Variants in PTPRD observed in about 807,000 individuals in gnomAD.
PTPRD encodes receptor-type tyrosine-protein phosphatase delta.
PTPRD carries 34 observed loss-of-function variants against 214.5 expected under a neutral mutation model. That is an observed-to-expected ratio of 0.16 (90% CI 0.12 to 0.21). The LOEUF is 0.21. Ranked by LOEUF, PTPRD falls within the 10% of genes least tolerant of loss-of-function variation. PTPRD has a pLI of 1.00. For missense variants in PTPRD, 2,545 were observed against 2,398.7 expected (o/e 1.06, Z -1.27); for synonymous variants, 1,128 against 845.7 (o/e 1.33, Z -5.79).
chr9:9,167,894 C>T (rs1012898627), intron 10 of PTPRD, among the ~76,000 whole-genome samples: 3 of 152,214 alleles, frequency 2.0e-5, no homozygotes, highest in Non-Finnish European at 4.4e-5. Flanking sequence ...AGACATTGCA[C>T]TGACAATGCC....
chr9:8,588,508 T>C (rs918500983), intron 14 of PTPRD, among the ~76,000 whole-genome samples: 1 of 152,230 alleles, frequency 6.6e-6, no homozygotes, highest in Non-Finnish European at 1.5e-5. Flanking sequence ...TGTAGGCATC[T>C]AGCTCTTTGC....
At chr9:10,342,379 T>C (rs1351426772) in intron 2 of PTPRD, among the ~76,000 whole-genome samples, 1 of 152,124 alleles carries the variant, frequency 6.6e-6, no homozygotes, top group African/African-American at 2.4e-5. Context: ...TCAATACTAT[T>C]GCCTGCCTTT....
chr9:8,833,101 C>T (rs754940461), intron 11 of PTPRD, among the ~76,000 whole-genome samples: 2 of 152,072 alleles, frequency 1.3e-5, no homozygotes, highest in Non-Finnish European at 2.9e-5. Context: ...CCAGTTCATA[C>T]ACAGGCCACA....
intron 3 of PTPRD, among the ~76,000 whole-genome samples, chr9:10,276,716 A>T (rs2154386492): frequency 6.6e-6 from 1 of 152,352 alleles, no homozygotes; most frequent in East Asian, 1.9e-4. Flanking sequence ...TATGGCTGGC[A>T]ATAATAGGAC....
At chr9:8,887,874 G>A (rs1166165915) in intron 11 of PTPRD, among the ~76,000 whole-genome samples, 7 of 152,142 alleles carry the variant, frequency 4.6e-5, no homozygotes, top group Non-Finnish European at 1.0e-4. Flanking sequence ...ACACATCAGC[G>A]CTTTGATGTC....
At chr9:10,049,231 C>T (rs1331600718) in intron 3 of PTPRD, among the ~76,000 whole-genome samples, 3 of 151,952 alleles carry the variant, frequency 2.0e-5, no homozygotes, top group Admixed American at 1.3e-4. Flanking sequence ...AATCATCTAG[C>T]GCAGCCTCCT....
intron 11 of PTPRD, among the ~76,000 whole-genome samples, chr9:8,871,648 C>T (rs760897607): frequency 6.6e-6 from 1 of 152,108 alleles, no homozygotes; most frequent in Non-Finnish European, 1.5e-5. Flanking sequence ...CTAAAGCTGA[C>T]ATGATCATAG....
At chr9:10,492,769 T>C (rs1408565658) in intron 2 of PTPRD, among the ~76,000 whole-genome samples, 1 of 152,152 alleles carries the variant, frequency 6.6e-6, no homozygotes, top group African/African-American at 2.4e-5. Flanking sequence ...TTTGGTGTTA[T>C]TCATGAAGTC....
chr9:10,501,464 T>C (rs773503023), intron 2 of PTPRD, among the ~76,000 whole-genome samples: 5 of 152,042 alleles, frequency 3.3e-5, no homozygotes, highest in Non-Finnish European at 7.4e-5. Flanking sequence ...TGCAAATATT[T>C]TGTCCTATTC....
chr9:9,230,029 A>T (rs1039573180), intron 9 of PTPRD, among the ~76,000 whole-genome samples: 2 of 152,166 alleles, frequency 1.3e-5, no homozygotes, highest in African/African-American at 4.8e-5. Flanking sequence ...CAATAGATTC[A>T]TCTAGTTTTC....
chr9:10,500,582 T>A (rs1463685154), intron 2 of PTPRD, among the ~76,000 whole-genome samples: 1 of 151,912 alleles, frequency 6.6e-6, no homozygotes, highest in African/African-American at 2.4e-5. Flanking sequence ...TATCTTAAAA[T>A]GTACGATTAA....
intron 11 of PTPRD, among the ~76,000 whole-genome samples, chr9:8,838,461 A>G (rs1323866573): frequency 6.6e-6 from 1 of 152,160 alleles, no homozygotes; most frequent in Non-Finnish European, 1.5e-5. Flanking sequence ...TCAATTCTAA[A>G]ATCAACTAAC....
intron 11 of PTPRD, among the ~76,000 whole-genome samples, chr9:8,880,235 C>G (rs1270469945): frequency 6.6e-6 from 1 of 152,034 alleles, no homozygotes. Context: ...GGGAGGGTAG[C>G]CATGTTTATA....
At chr9:9,807,706 T>C (rs1339681829) in intron 5 of PTPRD, among the ~76,000 whole-genome samples, 1 of 152,216 alleles carries the variant, frequency 6.6e-6, no homozygotes, top group Non-Finnish European at 1.5e-5. Flanking sequence ...CTACTAGTGG[T>C]ATTTTCATTT....
intron 39 of PTPRD, among the ~76,000 whole-genome samples, chr9:8,366,802 C>T (rs545313563): frequency 5.3e-5 from 8 of 152,170 alleles, no homozygotes; most frequent in Middle Eastern, 3.2e-3. Flanking sequence ...AGTGTGAATA[C>T]GAAGCAATGT....
intron 7 of PTPRD, among the ~76,000 whole-genome samples, chr9:9,628,463 A>C (rs997519252): frequency 2.0e-5 from 3 of 152,002 alleles, no homozygotes; most frequent in African/African-American, 7.2e-5. Flanking sequence ...CAATTGCTAC[A>C]TCTCTTTCAC....
intron 10 of PTPRD, among the ~76,000 whole-genome samples, chr9:9,077,284 T>C (rs1466920193): frequency 6.6e-6 from 1 of 151,966 alleles, no homozygotes; most frequent in Non-Finnish European, 1.5e-5. Flanking sequence ...CTATGTTGAA[T>C]GTTTCAAAGA....
intron 7 of PTPRD, among the ~76,000 whole-genome samples, chr9:9,676,558 G>C (rs1440552891): frequency 2.0e-5 from 3 of 152,016 alleles, no homozygotes; most frequent in Non-Finnish European, 4.4e-5. Flanking sequence ...CCAAGTCTTT[G>C]TTATTGTGAA....
At chr9:9,132,534 G>T (rs1445917934) in intron 10 of PTPRD, among the ~76,000 whole-genome samples, 1 of 151,920 alleles carries the variant, frequency 6.6e-6, no homozygotes, top group East Asian at 1.9e-4. Context: ...CAATGGAGCT[G>T]GAAAAAAGTA....
Sources: allele counts gnomAD v4.1 joint callset (sites outside exome capture counted in the v4.1 genomes callset), GRCh38; gene constraint gnomAD v4.1.1; transcripts MANE v1.5; gene names NCBI Gene and HGNC (gene_info 2026-07-23, HGNC 2026-07-21).